Variants in PATJ observed in about 807,000 individuals in gnomAD.
The protein encoded by PATJ is inaD-like protein.
In PATJ, 190 loss-of-function variants were observed where a neutral mutation model predicts 224.9. The ratio of observed to expected loss-of-function variants is 0.84; its 90% CI spans 0.75 to 0.95. The LOEUF is 0.95. Among genes scored for constraint, PATJ ranks in the 40% least tolerant of loss-of-function variants. PATJ has a pLI of 0.00. For synonymous variants in PATJ, 769 were observed against 820.3 expected (o/e 0.94, Z 1.07); for missense variants, 2,121 against 2,270.3 (o/e 0.93, Z 1.34).
chr1:62,042,728 C>T (rs2148537942), intron 30 of PATJ, among the ~76,000 whole-genome samples: 1 of 152,226 alleles, frequency 6.6e-6, no homozygotes, highest in East Asian at 1.9e-4. Flanking sequence ...CTCACTACAG[C>T]CTCAAACTCC....
At chr1:62,004,659 T>C (rs1020407497) in intron 28 of PATJ, among the ~76,000 whole-genome samples, 4 of 152,228 alleles carry the variant, frequency 2.6e-5, no homozygotes, top group Non-Finnish European at 5.9e-5. Flanking sequence ...TGCAGTTCTC[T>C]ACTGGTTTGA....
intron 27 of PATJ, among the ~76,000 whole-genome samples, chr1:61,989,038 G>T (rs1021157940): frequency 6.6e-6 from 1 of 152,146 alleles, no homozygotes; most frequent in African/African-American, 2.4e-5. Flanking sequence ...TGGCACACCT[G>T]GCCTGATCTT....
chr1:62,058,981 T>C (rs1275861507), intron 31 of PATJ, among the ~76,000 whole-genome samples: 1 of 152,206 alleles, frequency 6.6e-6, no homozygotes, highest in East Asian at 1.9e-4. Flanking sequence ...GTTTCCATTT[T>C]CCACTGGAAA....
intron 28 of PATJ, among the ~76,000 whole-genome samples, chr1:62,000,201 T>TTG (rs540764170): frequency 0.15 from 21,765 of 141,466 alleles, 1,922 homozygotes; most frequent in Non-Finnish European, 0.21. Context: ...GAGTTTTTTG[T>TTG]TTTTTTTTTT....
At chr1:62,061,300 G>A (rs1370642752) in intron 31 of PATJ, among the ~76,000 whole-genome samples, 1 of 151,900 alleles carries the variant, frequency 6.6e-6, no homozygotes, top group East Asian at 1.9e-4. Flanking sequence ...TCCTGCCTCA[G>A]CCTCCCGAGT....
intron 31 of PATJ, chr1:62,054,322 C>A: frequency 2.3e-6 from 1 of 434,182 alleles, no homozygotes; most frequent in South Asian, 1.7e-5. Flanking sequence ...GTGATTGTGC[C>A]ACTGCACTCC....
chr1:61,992,601 AG>A (rs1645135507), intron 28 of PATJ, among the ~76,000 whole-genome samples: 1 of 152,138 alleles, frequency 6.6e-6, no homozygotes, highest in African/African-American at 2.4e-5. Context: ...TGGAATATGA[AG>A]ATTCTTGTTC....
At chr1:61,846,846 G>A (rs868757332) in intron 17 of PATJ, among the ~76,000 whole-genome samples, 14 of 152,256 alleles carry the variant, frequency 9.2e-5, no homozygotes, top group African/African-American at 2.6e-4. Flanking sequence ...TGATCTGCCC[G>A]CCTTGGCCTC....
chr1:62,144,777 A>AAATATATATATATATATATATATATAT (rs377489788), intron 41 of PATJ, among the ~76,000 whole-genome samples: 12 of 119,084 alleles, frequency 1.0e-4, no homozygotes, highest in Non-Finnish European at 1.3e-4. Flanking sequence ...AAAAAAAAAA[A>AAATATATATATATATATATATATATAT]ATATATATAT....
chr1:61,940,721 CA>C (rs547927537), intron 27 of PATJ, among the ~76,000 whole-genome samples: 204 of 98,682 alleles, frequency 2.1e-3, no homozygotes, highest in Non-Finnish European at 2.9e-3. Flanking sequence ...TCTCAAAAAA[CA>C]AAAAAAAAAA....
chr1:62,065,400 C>A (rs1232939182), intron 31 of PATJ, among the ~76,000 whole-genome samples: 1 of 152,136 alleles, frequency 6.6e-6, no homozygotes, highest in African/African-American at 2.4e-5. Flanking sequence ...CACCTGATTT[C>A]AGGAGTTTGA....
intron 28 of PATJ, among the ~76,000 whole-genome samples, chr1:62,016,384 A>G (rs1292318558): frequency 7.2e-6 from 1 of 138,598 alleles, no homozygotes; most frequent in Non-Finnish European, 1.5e-5. Context: ...TTCCAGAGAC[A>G]GAACAAATTA....
intron 10 of PATJ, 62 bp downstream of exon 10, chr1:61,795,620 T>G (rs998016583): frequency 2.1e-5 from 21 of 990,630 alleles, no homozygotes; most frequent in African/African-American, 6.4e-5. Flanking sequence ...ATCATTATTA[T>G]AATACATGTG....
At chr1:62,050,014 G>T (rs1341272780) in intron 30 of PATJ, among the ~76,000 whole-genome samples, 1 of 151,556 alleles carries the variant, frequency 6.6e-6, no homozygotes, top group African/African-American at 2.4e-5. Context: ...TACTCAGGAG[G>T]CTGAGGCACA....
At position 61,822,912 on chromosome 1, in the gene PATJ, C is replaced by T. The variant is rs368223697; in HGVS notation, c.1684-33C>T. 37 of 1,612,240 alleles carry T rather than the reference C, an allele frequency of 2.3e-5. No individual in the cohort carries two copies. The South Asian group carries it at 3.4e-4, about 15-fold the overall frequency. On this transcript the variant is annotated intron_variant, in intron 14 of 43. Transcript: ENST00000642238. ...GATGAATAGCCGGATGTGTCATTGT[C>T]ATGTTTGATCATTGCTTTGTGTTTT...
intron 1 of PATJ, among the ~76,000 whole-genome samples, chr1:61,743,133 G>A (rs1301559321): frequency 6.6e-6 from 1 of 152,212 alleles, no homozygotes; most frequent in Non-Finnish European, 1.5e-5. Flanking sequence ...GCGGCGCCTG[G>A]TCATCCCGTA....
intron 31 of PATJ, among the ~76,000 whole-genome samples, chr1:62,076,530 C>T (rs531819514): frequency 6.6e-6 from 1 of 152,302 alleles, no homozygotes; most frequent in South Asian, 2.1e-4. Flanking sequence ...CATCACCACA[C>T]ATACCGACAA....
At chr1:61,997,804 T>G (rs937344805) in intron 28 of PATJ, among the ~76,000 whole-genome samples, 1 of 131,606 alleles carries the variant, frequency 7.6e-6, no homozygotes, top group Non-Finnish European at 1.6e-5. Flanking sequence ...TGTTTTGTTT[T>G]GTTTTGTTTT....
intron 41 of PATJ, among the ~76,000 whole-genome samples, chr1:62,138,694 C>T (rs1361831085): frequency 6.6e-6 from 1 of 152,172 alleles, no homozygotes; most frequent in Non-Finnish European, 1.5e-5. Context: ...GACACATTTC[C>T]AGGCCTCTGG....
Sources: allele counts gnomAD v4.1 joint callset (sites outside exome capture counted in the v4.1 genomes callset), GRCh38; gene constraint gnomAD v4.1.1; transcripts MANE v1.5; gene names NCBI Gene and HGNC (gene_info 2026-07-23, HGNC 2026-07-21).